TTLL7: variants seen among roughly 807,000 people sequenced by gnomAD.
TTLL7 encodes tubulin tyrosine ligase like 7, also known as tubulin polyglutamylase TTLL7.
TTLL7 carries 53 observed loss-of-function variants against 120.2 expected under a neutral mutation model. The observed-to-expected ratio is 0.44, with a 90% CI of 0.35 to 0.55. The LOEUF is 0.55. Ranked by LOEUF, TTLL7 falls within the 20% of genes least tolerant of loss-of-function variation. The pLI, the probability that TTLL7 is intolerant of heterozygous loss-of-function variation, is 0.00. For synonymous variants in TTLL7, 353 were observed against 351.7 expected, an observed-to-expected ratio of 1.00 and a Z score of -0.04; for missense variants, 803 against 1,054.7, an observed-to-expected ratio of 0.76 and a Z score of 3.31.
At chr1:83,908,339 T>A (rs1312081136) in intron 15 of TTLL7, among the ~76,000 whole-genome samples, 1 of 151,766 alleles carries the variant, frequency 6.6e-6, no homozygotes, top group African/African-American at 2.4e-5. Flanking sequence ...AAAAAAACAG[T>A]AATAAAACAA....
intron 4 of TTLL7, chr1:83,949,001 A>C: frequency 4.8e-6 from 1 of 206,968 alleles, no homozygotes. Flanking sequence ...TTCTAGATTC[A>C]CTATATTCAC....
chr1:83,882,157 G>T (rs1027687978), intron 20 of TTLL7, among the ~76,000 whole-genome samples: 7 of 150,792 alleles, frequency 4.6e-5, no homozygotes, highest in Non-Finnish European at 7.4e-5. Context: ...GTTAATGGGT[G>T]CAACACACCA....
intron 8 of TTLL7, among the ~76,000 whole-genome samples, 173 bp from the exon 9 acceptor site, chr1:83,933,939 C>T (rs1647192008): frequency 6.6e-6 from 1 of 152,290 alleles, no homozygotes; most frequent in South Asian, 2.1e-4. Context: ...CCACTGCACT[C>T]CTCACACTTG....
intron 1 of TTLL7, among the ~76,000 whole-genome samples, chr1:83,960,555 C>T (rs949563029): frequency 1.3e-5 from 2 of 152,016 alleles, no homozygotes; most frequent in Non-Finnish European, 2.9e-5. Flanking sequence ...GGCTTGCAGA[C>T]AGAAGAGCCA....
At chr1:83,898,310 A>G (rs1040994288) in intron 18 of TTLL7, among the ~76,000 whole-genome samples, 3 of 152,022 alleles carry the variant, frequency 2.0e-5, no homozygotes, top group African/African-American at 7.2e-5. Flanking sequence ...ACCTTAGTAC[A>G]AAAGAAAAAA....
At chr1:83,986,421 C>A (rs1157541541) in intron 1 of TTLL7, among the ~76,000 whole-genome samples, 1 of 152,162 alleles carries the variant, frequency 6.6e-6, no homozygotes, top group African/African-American at 2.4e-5. Context: ...ATCCAACATT[C>A]ATTCAGGATA....
At chr1:83,914,878 A>G (rs1475584610) in intron 14 of TTLL7, among the ~76,000 whole-genome samples, 1 of 152,194 alleles carries the variant, frequency 6.6e-6, no homozygotes, top group Admixed American at 6.5e-5. Flanking sequence ...GGATTTTGAG[A>G]ACCTACTGTG....
chr1:83,937,749 G>T, intron 8 of TTLL7, 103 bp downstream of exon 8: 2 of 1,370,782 alleles, frequency 1.5e-6, no homozygotes, highest in Non-Finnish European at 1.0e-6. Flanking sequence ...TCAATTATAG[G>T]GAACCAAGTT....
At chr1:83,932,914 T>C in intron 9 of TTLL7, among the ~76,000 whole-genome samples, 1 of 152,122 alleles carries the variant, frequency 6.6e-6, no homozygotes, top group East Asian at 1.9e-4. Flanking sequence ...TAAGGTTTCT[T>C]CTGGGTAATA....
chr1:83,902,057 C>T (rs902038102), intron 18 of TTLL7: 5 of 151,966 alleles, frequency 3.3e-5, no homozygotes, highest in Non-Finnish European at 2.9e-5. Context: ...AGAAAACTTT[C>T]CCATCTTCCC....
intron 1 of TTLL7, chr1:83,983,977 G>A (rs907958251): frequency 2.0e-5 from 3 of 152,176 alleles, no homozygotes; most frequent in African/African-American, 7.2e-5. Context: ...TTTAGTCCTA[G>A]CTACTCAGGA....
intron 1 of TTLL7, among the ~76,000 whole-genome samples, chr1:83,971,216 G>T (rs1042127580): frequency 1.2e-4 from 18 of 152,072 alleles, no homozygotes; most frequent in African/African-American, 3.9e-4. Flanking sequence ...TTGTGCCCAA[G>T]ACTTCAACTA....
chr1:83,992,050 C>T (rs1653051800), intron 1 of TTLL7, among the ~76,000 whole-genome samples: 3 of 152,066 alleles, frequency 2.0e-5, no homozygotes, highest in Admixed American at 1.3e-4. Flanking sequence ...ATATTATATA[C>T]TCAAGATAAA....
intron 18 of TTLL7, among the ~76,000 whole-genome samples, chr1:83,892,928 GAGAAAGAA>G (rs1553129435): frequency 9.7e-5 from 10 of 102,666 alleles, no homozygotes; most frequent in African/African-American, 1.7e-4. Flanking sequence ...GAAAGAAAAA[GAGAAAGAA>G]AGAAAGAAAG....
At position 83,906,430 on chromosome 1, in the gene TTLL7, G is replaced by C. The variant is rs781048786; in HGVS notation, c.2026C>G (p.Gln676Glu). 68 of 1,611,844 alleles carry C rather than the reference G, an allele frequency of 4.2e-5. No individual in the cohort carries two copies. The highest frequency in any genetic ancestry group is 5.3e-5 in the Non-Finnish European group (63 of 1,178,850). ...ESLRQLKTKE[Q>E]EDDLTSQTLF... ...GTCTGACTTGTTAGATCATCTTCTT[G>C]TTCTTTTGTTTTCAGTTGCCGCAAA... is the stretch of plus-strand genomic sequence containing the variant. Residue 676 changes from glutamine to glutamate, a missense_variant, in exon 17 of 21, where the codon CAA (glutamine) becomes GAA (glutamate). Gln to Glu is a conservative substitution (Grantham distance 29). Around this residue, in one of 3 missense-constraint regions of TTLL7, gnomAD observed 388 missense variants for 450.4 expected, o/e 0.86. Transcript: ENST00000260505.
intron 1 of TTLL7, among the ~76,000 whole-genome samples, chr1:83,992,048 T>C (rs551618419): frequency 7.2e-5 from 11 of 152,242 alleles, no homozygotes; most frequent in African/African-American, 2.6e-4. Flanking sequence ...GCATATTATA[T>C]ACTCAAGATA....
At chr1:83,926,406 A>C (rs527888040) in intron 10 of TTLL7, among the ~76,000 whole-genome samples, 1 of 152,252 alleles carries the variant, frequency 6.6e-6, no homozygotes, top group South Asian at 2.1e-4. Context: ...CAAATGCTGG[A>C]CTAGAGCTCC....
In TTLL7 at chr1:83,917,640, C is replaced by T. The variant is rs760298255; in HGVS notation, c.1551G>A (p.Lys517=). Reference sequence around the variant, plus strand: ...GAGTCTTGGTAGTTTTTCCCATCAACTTTTCATCATCAATTTCACATTGCT... The same window carrying T: ...GAGTCTTGGTAGTTTTTCCCATCAATTTTTCATCATCAATTTCACATTGCT... ...LLEQCEIDDE[K]LMGKTTKTRG... is the part of the protein sequence containing the mutation. Residue 517 remains lysine (K), a synonymous_variant, in exon 14 of 21, where the codon AAG becomes AAA. Transcript: ENST00000260505. 13 of 1,613,512 alleles carry T rather than the reference C, an allele frequency of 8.1e-6. No individual in the cohort carries two copies. The highest frequency in any genetic ancestry group is 1.1e-5 in the Non-Finnish European group (13 of 1,179,598).
chr1:83,897,710 C>A (rs1038966902), intron 18 of TTLL7, among the ~76,000 whole-genome samples: 1 of 151,890 alleles, frequency 6.6e-6, no homozygotes, highest in African/African-American at 2.4e-5. Context: ...ATCAGCCTGA[C>A]CACAACTTTC....
Sources: gnomAD v4.1 joint callset for allele counts (sites outside exome capture counted in the v4.1 genomes callset) on GRCh38, gnomAD v4.1.1 for gene constraint, gnomAD v4.1.1 regional missense constraint, MANE v1.5 for transcripts, NCBI Gene and HGNC (gene_info 2026-07-23, HGNC 2026-07-21) for gene names.